GRIN2B: variants seen among roughly 807,000 people sequenced by gnomAD.
The protein encoded by GRIN2B is glutamate ionotropic receptor NMDA type subunit 2B.
In GRIN2B, 5 loss-of-function variants were observed where a neutral mutation model predicts 114.5. The observed-to-expected ratio is 0.04, with a 90% CI of 0.02 to 0.09. GRIN2B has a LOEUF of 0.09. Ranked by LOEUF, GRIN2B falls within the 10% of genes least tolerant of loss-of-function variation. The pLI is 1.00. For missense variants in GRIN2B, 1,108 were observed against 1,943.5 expected (o/e 0.57, Z 8.08); for synonymous variants, 787 against 745.1 (o/e 1.06, Z -0.92).
intron 3 of GRIN2B, among the ~76,000 whole-genome samples, chr12:13,834,520 G>A (rs1865218751): frequency 1.3e-5 from 2 of 152,156 alleles, no homozygotes; most frequent in Admixed American, 1.3e-4. Context: ...CATATCAGCA[G>A]CCCTGACACT....
chr12:13,884,516 G>T (rs1866121766), intron 2 of GRIN2B, among the ~76,000 whole-genome samples: 1 of 151,996 alleles, frequency 6.6e-6, no homozygotes, highest in African/African-American at 2.4e-5. Flanking sequence ...TTGTGTGTGT[G>T]TATTTTTTGC....
At chr12:13,968,066 C>T (rs758714581) in intron 2 of GRIN2B, among the ~76,000 whole-genome samples, 8 of 152,224 alleles carry the variant, frequency 5.3e-5, no homozygotes, top group Non-Finnish European at 7.3e-5. Context: ...CAATAAAATA[C>T]TGTGAAAGAG....
rs144954068 is a variant in GRIN2B at position 13,960,843 on chromosome 12, A to G, written c.-19+19085T>C. ...AACAAAACAAAGTCCCCTCTGAAGC[A>G]TCCAGCAAACAAAAGATAGACATGA... On this transcript the variant is annotated intron_variant, in intron 2 of 13. Coordinates refer to ENST00000609686, the MANE Select transcript of GRIN2B (RefSeq NM_000834.5). Among the ~76,000 whole-genome samples the G allele has an allele frequency of 4.9e-3, 746 of 152,342 alleles. 5 individuals are homozygous for G. The highest frequency in any genetic ancestry group is 8.9e-3 in the South Asian group (43 of 4,832).
At chr12:13,595,616 C>T (rs550100601) in intron 10 of GRIN2B, among the ~76,000 whole-genome samples, 17 of 152,320 alleles carry the variant, frequency 1.1e-4, no homozygotes, top group African/African-American at 3.8e-4. Context: ...CCTCCATCTC[C>T]ACTTGATGCC....
At chr12:13,833,033 G>C (rs965920587) in intron 3 of GRIN2B, among the ~76,000 whole-genome samples, 12 of 152,198 alleles carry the variant, frequency 7.9e-5, no homozygotes, top group Non-Finnish European at 1.3e-4. Flanking sequence ...TCATGTAAAA[G>C]TGGCTCTGTA....
chr12:13,857,559 G>T (rs147574496), intron 3 of GRIN2B, among the ~76,000 whole-genome samples: 1 of 152,326 alleles, frequency 6.6e-6, no homozygotes, highest in African/African-American at 2.4e-5. Flanking sequence ...TAATTCTGGA[G>T]AAGACTAGAC....
At chr12:13,727,501 C>T (rs897904544) in intron 4 of GRIN2B, among the ~76,000 whole-genome samples, 3 of 152,184 alleles carry the variant, frequency 2.0e-5, no homozygotes, top group Non-Finnish European at 4.4e-5. Flanking sequence ...AATGCTAGCT[C>T]TTCCCTCATT....
At chr12:13,827,637 G>A (rs1043103732) in intron 3 of GRIN2B, among the ~76,000 whole-genome samples, 1 of 143,122 alleles carries the variant, frequency 7.0e-6, no homozygotes, top group African/African-American at 2.6e-5. Flanking sequence ...TCTTCATCAT[G>A]TTCATGTCTT....
chr12:13,873,439 C>A (rs1167514571), intron 2 of GRIN2B, among the ~76,000 whole-genome samples: 1 of 152,184 alleles, frequency 6.6e-6, no homozygotes, highest in Non-Finnish European at 1.5e-5. Context: ...TCTAAATGCA[C>A]TTAGTGTCTG....
chr12:13,954,706 G>A (rs1161432399), intron 2 of GRIN2B, among the ~76,000 whole-genome samples: 1 of 150,086 alleles, frequency 6.7e-6, no homozygotes, highest in East Asian at 2.0e-4. Flanking sequence ...CAGCTACTCT[G>A]GAGGCTGAAG....
At chr12:13,737,981 C>T (rs564363356) in intron 4 of GRIN2B, among the ~76,000 whole-genome samples, 1 of 152,272 alleles carries the variant, frequency 6.6e-6, no homozygotes, top group South Asian at 2.1e-4. Flanking sequence ...TAGACATTGC[C>T]AAGATTGGGC....
intron 3 of GRIN2B, among the ~76,000 whole-genome samples, chr12:13,850,273 C>T (rs1475052686): frequency 6.6e-6 from 1 of 152,188 alleles, no homozygotes; most frequent in East Asian, 1.9e-4. Flanking sequence ...AATCCTAGAC[C>T]TTAGACTGAT....
At position 13,562,703 on chromosome 12, in the gene GRIN2B, C is replaced by A; in HGVS notation, c.*80G>T. 1 of 1,159,640 alleles carries A rather than the reference C, an allele frequency of 8.6e-7. No individual in the cohort carries two copies. The highest frequency in any genetic ancestry group is 1.3e-6 in the Non-Finnish European group (1 of 767,164). The allele number at this position is 1,159,640 out of a possible 1,614,324, so 71.8% of individuals were successfully genotyped here. On this transcript the variant is annotated 3_prime_UTR_variant, in exon 14 of 14. Coordinates refer to ENST00000609686, the MANE Select transcript of GRIN2B (RefSeq NM_000834.5). ...AGCAAATGGGAACCAAGTTCACCCC[C>A]GTCACCCTCCGTGACATGCGCATCA...
intron 2 of GRIN2B, among the ~76,000 whole-genome samples, chr12:13,921,812 T>C (rs1287259748): frequency 6.6e-6 from 1 of 152,122 alleles, no homozygotes; most frequent in Non-Finnish European, 1.5e-5. Flanking sequence ...TCTCCAACAG[T>C]CCCTGGCCCA....
intron 4 of GRIN2B, among the ~76,000 whole-genome samples, chr12:13,689,574 C>T (rs1950198217): frequency 6.6e-6 from 1 of 152,114 alleles, no homozygotes; most frequent in Admixed American, 6.6e-5. Context: ...CTTGCAACAG[C>T]CTCCTCCTGG....
intron 2 of GRIN2B, among the ~76,000 whole-genome samples, chr12:13,875,656 C>T (rs74069221): frequency 0.03 from 4,641 of 152,278 alleles, 264 homozygotes; most frequent in African/African-American, 0.11. Flanking sequence ...TCCACAAAGC[C>T]TCTTTTGCAA....
chr12:13,704,480 T>C (rs147711522), intron 4 of GRIN2B, among the ~76,000 whole-genome samples: 49 of 152,296 alleles, frequency 3.2e-4, no homozygotes, highest in Middle Eastern at 3.4e-3. Context: ...CATTCATCTA[T>C]TTTCAGAATA....
intron 3 of GRIN2B, among the ~76,000 whole-genome samples, chr12:13,847,494 A>G (rs1014304973): frequency 9.9e-5 from 15 of 152,194 alleles, no homozygotes; most frequent in African/African-American, 3.6e-4. Flanking sequence ...GGAACTTTTA[A>G]CTAATGCCAG....
At position 13,546,107 on chromosome 12, in the gene GRIN2B, A is replaced by G. The variant is rs1479772586; in HGVS notation, c.*16676T>C. On this transcript the variant is annotated 3_prime_UTR_variant, in exon 14 of 14. Coordinates refer to ENST00000609686, the MANE Select transcript of GRIN2B (RefSeq NM_000834.5). ...GAGGTGACCTAACTTTGTGATCCAAAATCATTCCAATATTGAAAAAAAAAG... is the reference window on the plus strand; with the variant it reads ...GAGGTGACCTAACTTTGTGATCCAAGATCATTCCAATATTGAAAAAAAAAG... The G allele has an allele frequency of 2.0e-5, 3 of 152,142 alleles. No individual in the cohort carries two copies. Among genetic ancestry groups the G allele is most frequent in the Non-Finnish European group, 1.5e-5 (1 of 68,018 alleles). 9.4% of individuals were successfully genotyped at this position (152,142 alleles called of 1,614,324 possible).
Sources: allele counts gnomAD v4.1 joint callset (sites outside exome capture counted in the v4.1 genomes callset), GRCh38; gene constraint gnomAD v4.1.1; transcripts MANE v1.5; gene names NCBI Gene and HGNC (gene_info 2026-07-23, HGNC 2026-07-21).